Variants in ZNF423 observed in about 807,000 individuals in gnomAD.
ZNF423 encodes the protein zinc finger protein 423.
A neutral mutation model predicts 95.8 loss-of-function variants in ZNF423; 12 were observed. That is an observed-to-expected ratio of 0.13 (90% CI 0.08 to 0.20). The LOEUF is 0.20. Among genes scored for constraint, ZNF423 ranks in the 10% least tolerant of loss-of-function variants. The pLI is 1.00. For synonymous variants in ZNF423, 749 were observed against 711.9 expected (o/e 1.05, Z -0.83); for missense variants, 1,316 against 1,737.1 (o/e 0.76, Z 4.31).
At chr16:49,697,314 G>T (rs761588063) in intron 3 of ZNF423, among the ~76,000 whole-genome samples, 1 of 152,116 alleles carries the variant, frequency 6.6e-6, no homozygotes, top group Non-Finnish European at 1.5e-5. Context: ...GAGAGAGAAG[G>T]CCAGGAATCC....
At chr16:49,532,250 A>T (rs1968873408) in intron 5 of ZNF423, among the ~76,000 whole-genome samples, 1 of 152,170 alleles carries the variant, frequency 6.6e-6, no homozygotes, top group South Asian at 2.1e-4. Context: ...TGGGTGGCTA[A>T]CACTCCCCCA....
chr16:49,524,570 A>AGAAGGTC, intron 6 of ZNF423, among the ~76,000 whole-genome samples: 1 of 152,090 alleles, frequency 6.6e-6, no homozygotes, highest in Non-Finnish European at 1.5e-5. Context: ...CCTGGCATGG[A>AGAAGGTC]GAAGGTCTAG....
intron 1 of ZNF423, among the ~76,000 whole-genome samples, chr16:49,843,365 T>A (rs937312566): frequency 6.6e-6 from 1 of 152,196 alleles, no homozygotes; most frequent in South Asian, 2.1e-4. Flanking sequence ...CTAGGTGCTA[T>A]CTCCTAGACT....
In ZNF423 at chr16:49,730,866, A is replaced by G; in HGVS notation, c.206T>C (p.Met69Thr). ...GCAGGTGTAAATTGATTCATCCTCCATGTCTTCATCATCCTCATTTCTCTC... is the reference window on the plus strand; with the variant it reads ...GCAGGTGTAAATTGATTCATCCTCCGTGTCTTCATCATCCTCATTTCTCTC... ...QEERNEDDED[M>T]EDESIYTCDH... Residue 69 changes from methionine to threonine, a missense_variant, in exon 3 of 8, where the codon ATG becomes ACG. By Grantham distance (81) the Met-to-Thr change is moderately conservative (BLOSUM62 -1). Coordinates refer to ENST00000563137, the MANE Select transcript of ZNF423 (RefSeq NM_001379286.1). 6.2e-7 allele frequency: 1 copy of G among 1,614,020 alleles called. No individual in the cohort carries two copies. The highest frequency in any genetic ancestry group is 1.1e-5 in the South Asian group (1 of 91,064).
intron 7 of ZNF423, among the ~76,000 whole-genome samples, chr16:49,504,843 A>G (rs1345750593): frequency 3.3e-5 from 5 of 152,156 alleles, no homozygotes; most frequent in Admixed American, 3.3e-4. Context: ...AGTGCCAGCT[A>G]GTGGAAGAAC....
chr16:49,826,669 A>G (rs983635828), intron 1 of ZNF423: 1 of 152,204 alleles, frequency 6.6e-6, no homozygotes, highest in Non-Finnish European at 1.5e-5. Context: ...GAATCAATAC[A>G]TGTTCACCAT....
intron 5 of ZNF423, among the ~76,000 whole-genome samples, chr16:49,595,547 T>C (rs1033404074): frequency 1.3e-5 from 2 of 152,162 alleles, no homozygotes; most frequent in African/African-American, 2.4e-5. Flanking sequence ...TTTTAAAAAA[T>C]AAAGTGCCCA....
At chr16:49,739,081 C>A (rs963378078) in intron 2 of ZNF423, among the ~76,000 whole-genome samples, 2 of 152,102 alleles carry the variant, frequency 1.3e-5, no homozygotes, top group African/African-American at 4.8e-5. Flanking sequence ...CTGAAGCCAG[C>A]CTGTCTGGGT....
At position 49,636,532 on chromosome 16, in the gene ZNF423, C is replaced by T; in HGVS notation, c.2644G>A (p.Ala882Thr). ...KNPEAPNSHE[A>T]SEDDVDASEP... ...GACGCGTCCACGTCATCCTCGCTGG[C>T]CTCATGGCTGTTAGGTGCCTCAGGG... Residue 882 changes from alanine to threonine, a missense_variant, in exon 4 of 8, where the codon GCC becomes ACC. Transcript: ENST00000563137. This position sits in a 1 kb window ranked among gnomAD's most constrained non-coding sequence, Gnocchi z 8.6. 6.2e-7 allele frequency: 1 copy of T among 1,613,912 alleles called. No homozygotes were observed. The highest frequency in any genetic ancestry group is 8.5e-7 in the Non-Finnish European group (1 of 1,180,026).
intron 6 of ZNF423, 131 bp downstream of exon 6, chr16:49,525,232 C>T: frequency 1.5e-6 from 2 of 1,367,338 alleles, no homozygotes; most frequent in South Asian, 2.7e-5. Context: ...TCAGGGTATC[C>T]CCAACGGAGT....
At chr16:49,510,677 C>T (rs1250436203) in intron 7 of ZNF423, among the ~76,000 whole-genome samples, 5 of 152,334 alleles carry the variant, frequency 3.3e-5, no homozygotes, top group East Asian at 1.9e-4. Flanking sequence ...CATGTCTTCC[C>T]GTGTGAGAGG....
intron 4 of ZNF423, among the ~76,000 whole-genome samples, chr16:49,629,932 G>A (rs139301096): frequency 6.6e-6 from 1 of 152,310 alleles, no homozygotes; most frequent in African/African-American, 2.4e-5. Flanking sequence ...AATGCTGCTT[G>A]AACAAATGAA....
At chr16:49,660,184 C>T (rs1199538041) in intron 3 of ZNF423, among the ~76,000 whole-genome samples, 1 of 152,154 alleles carries the variant, frequency 6.6e-6, no homozygotes, top group Non-Finnish European at 1.5e-5. Context: ...CACAAGGTGC[C>T]TGGCAATAAC....
At chr16:49,704,009 G>A (rs937591656) in intron 3 of ZNF423, among the ~76,000 whole-genome samples, 1 of 152,182 alleles carries the variant, frequency 6.6e-6, no homozygotes, top group Non-Finnish European at 1.5e-5. Context: ...ACTCCATTCA[G>A]TGCAAGGGAG....
chr16:49,677,277 A>AAGG (rs1253972000), intron 3 of ZNF423, among the ~76,000 whole-genome samples: 4 of 77,540 alleles, frequency 5.2e-5, no homozygotes, highest in Non-Finnish European at 5.2e-5. Flanking sequence ...AGAAGAGAAG[A>AAGG]GAAGAGAAGA....
chr16:49,736,062 A>G (rs552049473), intron 2 of ZNF423, among the ~76,000 whole-genome samples: 2 of 152,246 alleles, frequency 1.3e-5, no homozygotes, highest in African/African-American at 4.8e-5. Flanking sequence ...CACCTCCCCC[A>G]ACCCTGGCAT....
chr16:49,649,745 T>C (rs1488938484), intron 3 of ZNF423, among the ~76,000 whole-genome samples: 1 of 149,586 alleles, frequency 6.7e-6, no homozygotes, highest in Non-Finnish European at 1.5e-5. Flanking sequence ...ACAGGAGAAG[T>C]GTAAAGGATT....
intron 5 of ZNF423, among the ~76,000 whole-genome samples, chr16:49,596,800 GGGGATGTCAGGCACA>G (rs1971192612): frequency 6.6e-6 from 1 of 152,192 alleles, no homozygotes; most frequent in South Asian, 2.1e-4. Flanking sequence ...TGCAGAGGAG[GGGGATGTCAGGCACA>G]GGGCTGTGTG....
intron 1 of ZNF423, chr16:49,854,836 G>A (rs892199001): frequency 4.4e-5 from 43 of 985,268 alleles, no homozygotes; most frequent in Non-Finnish European, 4.9e-5. Flanking sequence ...ATGGGTGTGT[G>A]TATCTATATA....
Sources: allele counts gnomAD v4.1 joint callset (sites outside exome capture counted in the v4.1 genomes callset), GRCh38; gene constraint gnomAD v4.1.1; non-coding constraint Gnocchi (gnomAD v3.1); transcripts MANE v1.5; gene names NCBI Gene and HGNC (gene_info 2026-07-23, HGNC 2026-07-21).